The following ANKUB1 variants were observed in gnomAD, a reference collection of about 807,000 sequenced individuals.
The protein encoded by ANKUB1 is ankyrin repeat and ubiquitin domain containing 1, also known as protein ANKUB1.
A neutral mutation model predicts 49.3 loss-of-function variants in ANKUB1; 42 were observed. The observed-to-expected ratio is 0.85, with a 90% CI of 0.67 to 1.10. The LOEUF (loss-of-function observed/expected upper bound fraction) is 1.10, where lower values mean the gene tolerates loss of function less well. ANKUB1 is among the 50% of genes least tolerant of loss of function. The probability of loss-of-function intolerance (pLI) is 0.00; values close to 1 mark genes in which losing one functional copy is unlikely to be tolerated. For missense variants in ANKUB1, 613 were observed against 642.0 expected (o/e 0.95, Z 0.49); for synonymous variants, 222 against 231.0 (o/e 0.96, Z 0.35).
In ANKUB1 at chr3:149,763,839, A is replaced by G. The variant is rs1381440511; in HGVS notation, c.1506-2226T>C. The G allele has an allele frequency of 6.7e-6, 3 of 450,844 alleles. No individual in the cohort carries two copies. In the Admixed American group the frequency reaches 7.1e-5, roughly 11 times the overall value. The allele number at this position is 450,844 out of a possible 1,614,324, so 27.9% of individuals were successfully genotyped here. On this transcript the variant is annotated intron_variant, in intron 5 of 5. Coordinates refer to ENST00000446160, the MANE Select transcript of ANKUB1 (RefSeq NM_001144960.3). ...CAACCCAAACCCACATTAGCGCTTGATCTGTGTTAACTGCATAATGCCATC... is the reference window on the plus strand; with the variant it reads ...CAACCCAAACCCACATTAGCGCTTGGTCTGTGTTAACTGCATAATGCCATC...
chr3:149,783,793 G>A (rs1037983815), intron 2 of ANKUB1: 1 of 152,148 alleles, frequency 6.6e-6, no homozygotes, highest in Non-Finnish European at 1.5e-5. Flanking sequence ...TTCTCCTCTT[G>A]TGTGGTAGTC....
intron 3 of ANKUB1, 56 bp downstream of exon 3, chr3:149,780,183 G>C (rs1304899500): frequency 7.1e-7 from 1 of 1,417,746 alleles, no homozygotes; most frequent in South Asian, 1.3e-5. Context: ...GCAAAATCTG[G>C]TATCAAAGGA....
chr3:149,761,645 G>T (rs1716789375), intron 5 of ANKUB1, 32 bp from the exon 6 acceptor site: 4 of 1,547,186 alleles, frequency 2.6e-6, no homozygotes, highest in South Asian at 1.2e-5. Context: ...TTTGTAAGGA[G>T]GTCTGATCTT....
chr3:149,775,621 A>G lies in ANKUB1; in HGVS notation c.451+4618T>C, dbSNP rs1463112041. The stretch of plus-strand genomic sequence containing the variant: ...TCAGGTGCAATGTGCCCAGGCAGCC[A>G]TGAATATATCCTATGAGGTGTTTAT... On this transcript the variant is annotated intron_variant, in intron 3 of 5. Coordinates refer to ENST00000446160, the MANE Select transcript of ANKUB1 (RefSeq NM_001144960.3). Among the ~76,000 whole-genome samples the G allele has an allele frequency of 2.0e-5, 3 of 152,214 alleles. No individual in the cohort carries two copies. The East Asian group carries it at 5.8e-4, about 29-fold the overall frequency.
intron 3 of ANKUB1, chr3:149,779,040 T>C (rs577838762): frequency 1.3e-5 from 2 of 152,338 alleles, no homozygotes; most frequent in African/African-American, 4.8e-5. Flanking sequence ...AACTTGTGTG[T>C]CATCGTCAGG....
At chr3:149,776,533 C>A (rs1717602622) in intron 3 of ANKUB1, among the ~76,000 whole-genome samples, 1 of 152,160 alleles carries the variant, frequency 6.6e-6, no homozygotes, top group South Asian at 2.1e-4. Flanking sequence ...AACTGACCAG[C>A]TGAGTAACTT....
intron 2 of ANKUB1, among the ~76,000 whole-genome samples, chr3:149,781,738 G>C (rs2108276270): frequency 6.6e-6 from 1 of 152,254 alleles, no homozygotes; most frequent in East Asian, 1.9e-4. Context: ...TTTTCAAAAA[G>C]CCTTTGAGGA....
chr3:149,780,205 A>C (rs1359216652), intron 3 of ANKUB1, 34 bp downstream of exon 3: 3 of 1,534,028 alleles, frequency 2.0e-6, no homozygotes, highest in Middle Eastern at 1.7e-4. Flanking sequence ...CCTAGTGCCA[A>C]ATGGTAGCTG....
chr3:149,776,471 T>C (rs945295906), intron 3 of ANKUB1, among the ~76,000 whole-genome samples: 5 of 152,194 alleles, frequency 3.3e-5, no homozygotes, highest in African/African-American at 1.2e-4. Flanking sequence ...AGCACCATGT[T>C]TGCAGTAAAG....
At position 149,770,615 on chromosome 3, in the gene ANKUB1, G is replaced by A. The variant is rs1717308749; in HGVS notation, c.511C>T (p.Leu171Phe). Residue 171 changes from leucine (L) to phenylalanine (F), a missense_variant, in exon 4 of 6, where the codon CTT (leucine) becomes TTT (phenylalanine). Transcript: ENST00000446160. ...GWKEFLMGCL[L>F]GQKLKVQRYL... ...CGTTGGACTTTAAGTTTTTGTCCAAGGAGACAACCCATCAGAAATTCCTTC... is the reference window on the plus strand; with the variant it reads ...CGTTGGACTTTAAGTTTTTGTCCAAAGAGACAACCCATCAGAAATTCCTTC... The A allele has an allele frequency of 6.5e-7, 1 of 1,550,180 alleles. No homozygotes were observed. Among genetic ancestry groups the A allele is most frequent in the East Asian group, 2.5e-5 (1 of 40,802 alleles).
intron 2 of ANKUB1, among the ~76,000 whole-genome samples, chr3:149,784,394 C>T (rs1293656809): frequency 6.6e-6 from 1 of 152,160 alleles, no homozygotes; most frequent in Non-Finnish European, 1.5e-5. Flanking sequence ...TACCTATCCA[C>T]CCCAACTTTG....
At chr3:149,769,491 C>T (rs1717228709) in intron 4 of ANKUB1, among the ~76,000 whole-genome samples, 1 of 152,218 alleles carries the variant, frequency 6.6e-6, no homozygotes, top group African/African-American at 2.4e-5. Flanking sequence ...CGTCCTTTGA[C>T]TTATTATAGA....
Position 149,761,377 on chromosome 3 carries a change from C to T in ANKUB1, c.*107G>A. 7.7e-7 allele frequency: 1 copy of T among 1,296,886 alleles called. No homozygotes were observed. The highest frequency in any genetic ancestry group is 1.0e-6 in the Non-Finnish European group (1 of 956,256). 80.3% of individuals were successfully genotyped at this position (1,296,886 alleles called of 1,614,324 possible). On this transcript the variant is annotated 3_prime_UTR_variant, in exon 6 of 6. Transcript: ENST00000446160. ...TATTAAAAGTTATGTGGCATTATAA[C>T]TGTTACTAGAGATGATAACATTAGA...
chr3:149,763,691 T>C (rs923313422), intron 5 of ANKUB1, among the ~76,000 whole-genome samples: 5 of 152,206 alleles, frequency 3.3e-5, no homozygotes, highest in Non-Finnish European at 7.3e-5. Flanking sequence ...AAAGCTATTT[T>C]CTAGACACAC....
intron 2 of ANKUB1, among the ~76,000 whole-genome samples, chr3:149,788,766 T>TTTTTC (rs1277576808): frequency 2.6e-5 from 4 of 152,012 alleles, no homozygotes; most frequent in Non-Finnish European, 2.9e-5. Flanking sequence ...GAGTTTTTTC[T>TTTTTC]TTTTCTTTTC....
chr3:149,770,642 A>AT lies in ANKUB1; in HGVS notation c.483dup (p.Trp162MetfsTer15). 1 of 1,550,242 alleles carries AT rather than the reference A, an allele frequency of 6.5e-7. No homozygotes were observed. Among genetic ancestry groups the AT allele is most frequent in the Non-Finnish European group, 8.7e-7 (1 of 1,146,336 alleles). ...AGACAACCCATCAGAAATTCCTTCC[A>AT]TCCATCCCAGACATCCAAGCGAAGT... On this transcript the variant is annotated frameshift_variant, in exon 4 of 6. Transcript: ENST00000446160. LOFTEE classifies it high-confidence loss of function.
intron 2 of ANKUB1, chr3:149,782,992 TA>T (rs1362883400): frequency 6.6e-6 from 1 of 152,120 alleles, no homozygotes; most frequent in Non-Finnish European, 1.5e-5. Context: ...ATCACATAAA[TA>T]AATAATAAAT....
intron 2 of ANKUB1, 42 bp downstream of exon 2, chr3:149,790,739 T>C: frequency 6.6e-7 from 1 of 1,503,834 alleles, no homozygotes; most frequent in Non-Finnish European, 8.9e-7. Context: ...TTATTCAAAA[T>C]GAGATAGATA....
At chr3:149,766,153 GTACCTTAAAC>G in intron 5 of ANKUB1, among the ~76,000 whole-genome samples, 1 of 152,276 alleles carries the variant, frequency 6.6e-6, no homozygotes. Flanking sequence ...AGAGAGTTGT[GTACCTTAAAC>G]ATCTAATTCC....
Sources: gnomAD v4.1 joint callset for allele counts (sites outside exome capture counted in the v4.1 genomes callset) on GRCh38, gnomAD v4.1.1 for gene constraint, MANE v1.5 for transcripts, NCBI Gene and HGNC (gene_info 2026-07-23, HGNC 2026-07-21) for gene names.